RBFOX1: variants seen among roughly 807,000 people sequenced by gnomAD.
RBFOX1 encodes the protein RNA binding protein fox-1 homolog 1.
A neutral mutation model predicts 57.7 loss-of-function variants in RBFOX1; 8 were observed. The ratio of observed to expected loss-of-function variants is 0.14; its 90% CI spans 0.08 to 0.25. The LOEUF is 0.25. Ranked by LOEUF, RBFOX1 falls within the 10% of genes least tolerant of loss-of-function variation. The pLI, the probability that RBFOX1 is intolerant of heterozygous loss-of-function variation, is 1.00. For missense variants in RBFOX1, 611 were observed against 548.5 expected (o/e 1.11, Z -1.14); for synonymous variants, 326 against 222.4 (o/e 1.47, Z -4.15).
chr16:7,360,017 C>G (rs17562652), intron 4 of RBFOX1, among the ~76,000 whole-genome samples: 70,334 of 151,520 alleles, frequency 0.46, 18,564 homozygotes, highest in East Asian at 0.88. Flanking sequence ...ACAAAAAAAC[C>G]ACTCTGGAAA....
chr16:5,908,103 TATATATACAC>T lies in RBFOX1; in HGVS notation c.351+40786_351+40795del, dbSNP rs1331808720. 8.4e-5 allele frequency among the ~76,000 whole-genome samples: 12 copies of T among 142,624 alleles called. No homozygotes were observed. In the East Asian group the frequency reaches 1.4e-3, roughly 16 times the overall value. 93.6% of individuals were successfully genotyped at this position (142,624 alleles called of 152,430 possible). On this transcript the variant is annotated intron_variant, in intron 4 of 19. Transcript: ENST00000641259. ...ATATATATACACATATATACACATA[TATATATACAC>T]ATATATACACATATATATATACACA...
intron 12 of RBFOX1, among the ~76,000 whole-genome samples, chr16:7,659,138 T>C (rs1011082498): frequency 6.6e-6 from 1 of 152,224 alleles, no homozygotes; most frequent in Non-Finnish European, 1.5e-5. Flanking sequence ...GTAATTGTCA[T>C]ACATCTGTGT....
chr16:5,737,074 A>T lies in RBFOX1; in HGVS notation c.319-130229A>T, dbSNP rs542104437. Reference sequence around the variant, plus strand: ...AGGTGAGTGAGGGGTACTGAGAGTGATGGTGACTTGCATTGCCCATAATCT... The same window carrying T: ...AGGTGAGTGAGGGGTACTGAGAGTGTTGGTGACTTGCATTGCCCATAATCT... On this transcript the variant is annotated intron_variant, in intron 3 of 19. Transcript: ENST00000641259. Among the ~76,000 whole-genome samples the T allele has an allele frequency of 1.4e-3, 209 of 152,140 alleles. 1 individual carries two copies. The highest frequency in any genetic ancestry group is 4.9e-3 in the African/African-American group (203 of 41,500).
chr16:6,854,886 G>A lies in RBFOX1; in HGVS notation c.-15-197171G>A, dbSNP rs527434225. 2.9e-4 allele frequency among the ~76,000 whole-genome samples: 44 copies of A among 152,028 alleles called. 1 individual carries two copies. Among genetic ancestry groups the A allele is most frequent in the Non-Finnish European group, 3.2e-4 (22 of 67,988 alleles). Reference sequence around the variant, plus strand: ...TGGGATTACAGGCGTGAGCCACCGCGCCCAGCCGAGGTGAATAATTTTTTT... The same window carrying A: ...TGGGATTACAGGCGTGAGCCACCGCACCCAGCCGAGGTGAATAATTTTTTT... On this transcript the variant is annotated intron_variant, in intron 3 of 15. Coordinates refer to ENST00000550418, the MANE Select transcript of RBFOX1 (RefSeq NM_018723.4).
In RBFOX1 at chr16:6,491,099, C is replaced by A. The variant is rs149282199; in HGVS notation, c.-63-163504C>A. On this transcript the variant is annotated intron_variant, in intron 2 of 15. Transcript: ENST00000550418. ...ATGCAGTACTAAAATTTAAATTATA[C>A]GTGTATATATAGTTATATCTATAGT... 6.8e-3 allele frequency among the ~76,000 whole-genome samples: 1,037 copies of A among 151,770 alleles called. 9 individuals carry two copies. Among genetic ancestry groups the A allele is most frequent in the Middle Eastern group, 0.048 (14 of 294 alleles).
chr16:6,457,403 T>TATTTTCTG (rs2094799929), intron 2 of RBFOX1, among the ~76,000 whole-genome samples: 3 of 150,064 alleles, frequency 2.0e-5, no homozygotes, highest in African/African-American at 7.4e-5. Flanking sequence ...TCTGGGCCCT[T>TATTTTCTG]GTGTTATTTT....
At chr16:7,120,301 CTAA>C (rs2066827551) in intron 4 of RBFOX1, among the ~76,000 whole-genome samples, 1 of 151,388 alleles carries the variant, frequency 6.6e-6, no homozygotes, top group Admixed American at 6.6e-5. Flanking sequence ...AAATCAAAAA[CTAA>C]TACATGCAAA....
At chr16:6,912,323 G>C (rs2071847466) in intron 3 of RBFOX1, among the ~76,000 whole-genome samples, 1 of 152,136 alleles carries the variant, frequency 6.6e-6, no homozygotes, top group Admixed American at 6.5e-5. Context: ...CTCTGGGGTG[G>C]AGCTCTGTAA....
At chr16:6,615,248 C>G (rs574055061) in intron 2 of RBFOX1, among the ~76,000 whole-genome samples, 2 of 152,294 alleles carry the variant, frequency 1.3e-5, no homozygotes, top group Middle Eastern at 6.8e-3. Flanking sequence ...TGGATTTAGA[C>G]TAGAATCTCA....
chr16:7,356,129 T>A (rs2097210189), intron 4 of RBFOX1, among the ~76,000 whole-genome samples: 1 of 152,192 alleles, frequency 6.6e-6, no homozygotes, highest in African/African-American at 2.4e-5. Context: ...AAGGTCAGTA[T>A]GTTCATCCAA....
rs370833211 is a variant in RBFOX1 at position 6,918,699 on chromosome 16, A to G, written c.-15-133358A>G. On this transcript the variant is annotated intron_variant, in intron 3 of 15. Transcript: ENST00000550418. ...GCATATCTCTGGTCGTTTCAGAGAA[A>G]GAAATCATTCTCTGCCTTCCGAATG... 7.8e-4 allele frequency among the ~76,000 whole-genome samples: 119 copies of G among 152,332 alleles called. 5 individuals are homozygous for G. In the South Asian group the frequency reaches 0.017, roughly 22 times the overall value.
At chr16:5,367,895 C>G (rs2065763098) in intron 1 of RBFOX1, among the ~76,000 whole-genome samples, 1 of 151,856 alleles carries the variant, frequency 6.6e-6, no homozygotes, top group Admixed American at 6.6e-5. Context: ...CTTTAAATGA[C>G]AGGACTCTGG....
chr16:5,305,734 T>C (rs1297915553), intron 1 of RBFOX1, among the ~76,000 whole-genome samples: 1 of 152,008 alleles, frequency 6.6e-6, no homozygotes, highest in Non-Finnish European at 1.5e-5. Flanking sequence ...CCATTTAAGG[T>C]TTTAAACAGC....
At chr16:5,449,560 C>G (rs979876200) in intron 1 of RBFOX1, among the ~76,000 whole-genome samples, 22 of 152,142 alleles carry the variant, frequency 1.4e-4, no homozygotes, top group Admixed American at 4.6e-4. Flanking sequence ...TGGCCCCATG[C>G]TTTCTGTGCA....
rs545085848 is a variant in RBFOX1, at chr16:5,264,746, A to T, written c.219+24641A>T. Among the ~76,000 whole-genome samples, 302 of 152,234 alleles carry T rather than the reference A, an allele frequency of 2.0e-3. 3 individuals are homozygous for T. Among genetic ancestry groups the T allele is most frequent in the Admixed American group, 0.018 (270 of 15,278 alleles). Reference sequence around the variant, plus strand: ...GAGGTGCAGTGTGAGACTTCTAGCTAGGAGCTTTTAATTCTTAGTACAGGG... The same window carrying T: ...GAGGTGCAGTGTGAGACTTCTAGCTTGGAGCTTTTAATTCTTAGTACAGGG... On this transcript the variant is annotated intron_variant, in intron 1 of 2. Transcript: ENST00000585867.
intron 4 of RBFOX1, among the ~76,000 whole-genome samples, chr16:7,501,172 G>T (rs557981322): frequency 6.6e-6 from 1 of 152,266 alleles, no homozygotes; most frequent in Non-Finnish European, 1.5e-5. Context: ...TTTTGATGAT[G>T]GTGATGGAGA....
chr16:7,475,990 G>A (rs184197328), intron 4 of RBFOX1, among the ~76,000 whole-genome samples: 1 of 152,070 alleles, frequency 6.6e-6, no homozygotes, highest in East Asian at 1.9e-4. Context: ...TTTTGAGACA[G>A]GGTCTCACTC....
chr16:6,709,449 A>C (rs2063347671), intron 3 of RBFOX1, among the ~76,000 whole-genome samples: 1 of 152,234 alleles, frequency 6.6e-6, no homozygotes, highest in Non-Finnish European at 1.5e-5. Context: ...AAGTTTCATG[A>C]GTTCTTCATA....
intron 3 of RBFOX1, among the ~76,000 whole-genome samples, chr16:6,815,174 G>C (rs1488020652): frequency 3.3e-5 from 5 of 152,292 alleles, no homozygotes; most frequent in African/African-American, 1.2e-4. Context: ...TGGTGAGAGT[G>C]CTGTTGAGCA....
Sources: gnomAD v4.1 joint callset for allele counts (sites outside exome capture counted in the v4.1 genomes callset) on GRCh38, gnomAD v4.1.1 for gene constraint, MANE v1.5 for transcripts, NCBI Gene and HGNC (gene_info 2026-07-23, HGNC 2026-07-21) for gene names.